Variants in CNTNAP4 observed in about 807,000 individuals in gnomAD.
The protein encoded by CNTNAP4 is contactin associated protein family member 4.
In CNTNAP4, 98 loss-of-function variants were observed where a neutral mutation model predicts 148.4. The observed-to-expected ratio is 0.66, with a 90% CI of 0.56 to 0.78. CNTNAP4 has a LOEUF of 0.78. CNTNAP4 is among the 30% of genes least tolerant of loss of function. The pLI is 0.00. For synonymous variants in CNTNAP4, 730 were observed against 565.1 expected (o/e 1.29, Z -4.14); for missense variants, 1,935 against 1,565.6 (o/e 1.24, Z -3.98).
chr16:76,552,686 G>C (rs911447361), intron 21 of CNTNAP4, among the ~76,000 whole-genome samples: 1 of 152,130 alleles, frequency 6.6e-6, no homozygotes, highest in African/African-American at 2.4e-5. Flanking sequence ...CTGTACATGA[G>C]TAATTAGGGA....
chr16:76,539,655 T>C, intron 19 of CNTNAP4, 64 bp from the exon 20 acceptor site: 1 of 1,385,688 alleles, frequency 7.2e-7, no homozygotes. Context: ...CACTCTGATT[T>C]TTAAGTAAGC....
intron 9 of CNTNAP4, among the ~76,000 whole-genome samples, chr16:76,466,749 A>ATAAAAT (rs916323687): frequency 6.6e-6 from 1 of 152,094 alleles, no homozygotes; most frequent in Admixed American, 6.6e-5. Context: ...GAGGCAAAGA[A>ATAAAAT]TAAAATCAAA....
chr16:76,375,062 C>T (rs1211654153), intron 3 of CNTNAP4, among the ~76,000 whole-genome samples: 1 of 152,150 alleles, frequency 6.6e-6, no homozygotes, highest in Non-Finnish European at 1.5e-5. Context: ...AGCCATCACG[C>T]CCGGCCAGCA....
At position 76,464,854 on chromosome 16, in the gene CNTNAP4, T is replaced by C. The variant is rs112740304; in HGVS notation, c.1484-2498T>C. ...GTGCTTTTCACAAAGTCGGACTGTA[T>C]TGTGGTGGTACATTCTGCTCAGCTT... On this transcript the variant is annotated intron_variant, in intron 9 of 23. Coordinates refer to ENST00000611870, the MANE Select transcript of CNTNAP4 (RefSeq NM_033401.5). Among the ~76,000 whole-genome samples, 19 of 152,254 alleles carry C rather than the reference T, an allele frequency of 1.2e-4. 1 individual carries two copies. The highest frequency in any genetic ancestry group is 2.2e-4 in the Non-Finnish European group (15 of 68,046).
chr16:76,307,397 G>T (rs1960585819), intron 1 of CNTNAP4, among the ~76,000 whole-genome samples: 2 of 150,828 alleles, frequency 1.3e-5, no homozygotes, highest in African/African-American at 4.9e-5. Flanking sequence ...AGACTAAATT[G>T]ATATTATCAT....
rs781170636 is a variant in CNTNAP4, at chr16:76,324,721, G to T, written c.196+8198G>T. Among the ~76,000 whole-genome samples, 89 of 152,110 alleles carry T rather than the reference G, an allele frequency of 5.9e-4. 1 individual carries two copies. Among genetic ancestry groups the T allele is most frequent in the Non-Finnish European group, 1.3e-4 (9 of 68,024 alleles). On this transcript the variant is annotated intron_variant, in intron 2 of 23. Coordinates refer to ENST00000611870, the MANE Select transcript of CNTNAP4 (RefSeq NM_033401.5). The stretch of plus-strand genomic sequence containing the variant: ...TTTGATGTCTTGTTAGGGCCCTTTT[G>T]CTGGCTTACTGATAGCTCTCTCCTG...
intron 15 of CNTNAP4, among the ~76,000 whole-genome samples, chr16:76,509,804 C>A (rs2082947158): frequency 1.1e-5 from 1 of 95,208 alleles, no homozygotes; most frequent in African/African-American, 2.6e-5. Context: ...TGATTAATTT[C>A]TTTTTGTCAG....
intron 3 of CNTNAP4, among the ~76,000 whole-genome samples, chr16:76,374,120 T>A (rs1433874501): frequency 6.6e-6 from 1 of 152,176 alleles, no homozygotes; most frequent in African/African-American, 2.4e-5. Flanking sequence ...GTCTCCCTTT[T>A]GAAGCCATGA....
At chr16:76,426,240 G>T (rs1394553991) in intron 3 of CNTNAP4, among the ~76,000 whole-genome samples, 8 of 152,142 alleles carry the variant, frequency 5.3e-5, no homozygotes, top group South Asian at 2.1e-4. Flanking sequence ...TTTGGTAAAT[G>T]ATAGTAAGGG....
intron 6 of CNTNAP4, 143 bp downstream of exon 6, chr16:76,449,094 A>G: frequency 1.4e-6 from 1 of 734,098 alleles, no homozygotes; most frequent in Non-Finnish European, 2.2e-6. Flanking sequence ...TCTAACTCAC[A>G]GTGGCAGCTT....
intron 2 of CNTNAP4, among the ~76,000 whole-genome samples, chr16:76,336,194 G>A (rs920923486): frequency 3.3e-5 from 5 of 152,048 alleles, no homozygotes; most frequent in African/African-American, 1.2e-4. Context: ...AATTAGATTG[G>A]GTTGGGAAAA....
At chr16:76,502,063 C>A (rs941456073) in intron 15 of CNTNAP4, among the ~76,000 whole-genome samples, 2 of 142,026 alleles carry the variant, frequency 1.4e-5, no homozygotes, top group Non-Finnish European at 3.1e-5. Context: ...AGCGAGACTC[C>A]GTCTCAAAAA....
chr16:76,389,203 A>G (rs753491850), intron 3 of CNTNAP4, among the ~76,000 whole-genome samples: 2 of 152,180 alleles, frequency 1.3e-5, no homozygotes, highest in East Asian at 1.9e-4. Flanking sequence ...AGCTTTCTGT[A>G]TGTGTGCTCA....
intron 15 of CNTNAP4, among the ~76,000 whole-genome samples, chr16:76,513,133 T>C (rs768237147): frequency 3.3e-5 from 5 of 152,132 alleles, no homozygotes; most frequent in Admixed American, 6.5e-5. Context: ...ATCCAGTAAA[T>C]AAATCCCTGC....
chr16:76,522,111 A>C lies in CNTNAP4; in HGVS notation c.2609A>C (p.His870Pro), dbSNP rs774183209. ...GAAATCTCAGTGCAGTCACCCACCC[A>C]CTTCAACGACAACCAGTGGCACCAT... Reference protein sequence around the residue: ...PFEISVQSPTHFNDNQWHHVR... With the variant: ...PFEISVQSPTPFNDNQWHHVR... The change falls in exon 17 of 24, where the codon CAC becomes CCC. Residue 870 changes from histidine (H) to proline (P), a missense_variant. Physicochemically the swap from His to Pro is moderately conservative, Grantham distance 77 (BLOSUM62 -2). Transcript: ENST00000611870. The C allele has an allele frequency of 3.7e-6, 6 of 1,613,796 alleles. No individual in the cohort carries two copies. In the African/African-American group the frequency reaches 6.7e-5, roughly 18 times the overall value.
intron 3 of CNTNAP4, among the ~76,000 whole-genome samples, chr16:76,403,444 A>G (rs1490459929): frequency 6.6e-6 from 1 of 152,220 alleles, no homozygotes; most frequent in Non-Finnish European, 1.5e-5. Flanking sequence ...CATATGAAGA[A>G]AATCCCAATA....
intron 3 of CNTNAP4, among the ~76,000 whole-genome samples, chr16:76,376,907 TTGTGTGTGTGTGTGTGTGTGTGTGTGTG>T (rs5817987): frequency 1.4e-5 from 2 of 143,444 alleles, no homozygotes; most frequent in Non-Finnish European, 3.0e-5. Context: ...CTAACAAGGT[TTGTGTGTGTGTGTGTGTGTGTGTGTGTG>T]TGTGTGTGTG....
At chr16:76,364,292 C>T (rs922296976) in intron 3 of CNTNAP4, among the ~76,000 whole-genome samples, 1 of 143,966 alleles carries the variant, frequency 6.9e-6, no homozygotes, top group Non-Finnish European at 1.5e-5. Flanking sequence ...CTCTTATGAG[C>T]TGTAGATACA....
chr16:76,495,115 A>G (rs776723345), intron 14 of CNTNAP4, 49 bp downstream of exon 14: 5 of 1,594,834 alleles, frequency 3.1e-6, no homozygotes, highest in African/African-American at 2.7e-5. Context: ...ATTTAAAAAA[A>G]TTAATCACTC....
Sources: allele counts gnomAD v4.1 joint callset (sites outside exome capture counted in the v4.1 genomes callset), GRCh38; gene constraint gnomAD v4.1.1; transcripts MANE v1.5; gene names NCBI Gene and HGNC (gene_info 2026-07-23, HGNC 2026-07-21).